The following CD22 variants were observed in gnomAD, a reference collection of about 807,000 sequenced individuals.
CD22 encodes CD22 molecule.
Under a neutral mutation model 94.7 loss-of-function variants are expected in CD22, and 51 were observed. The ratio of observed to expected loss-of-function variants is 0.54; its 90% CI spans 0.43 to 0.68. The LOEUF (loss-of-function observed/expected upper bound fraction) is 0.68. Ranked by LOEUF, CD22 falls within the 30% of genes least tolerant of loss-of-function variation. The pLI is 0.00. For synonymous variants in CD22, 424 were observed against 422.5 expected (o/e 1.00, Z -0.04); for missense variants, 931 against 1,060.4 (o/e 0.88, Z 1.69).
At chr19:35,329,813 A>G (rs1177839970) in intron 1 of CD22, 1 of 155,548 alleles carries the variant, frequency 6.4e-6, no homozygotes, top group African/African-American at 2.4e-5. Flanking sequence ...AACGGAGTCT[A>G]GTCCTTGCCA....
chr19:35,338,638 G>GT (rs1467461300), intron 6 of CD22, among the ~76,000 whole-genome samples: 2 of 151,406 alleles, frequency 1.3e-5, no homozygotes, highest in Non-Finnish European at 3.0e-5. Flanking sequence ...TTGTGTTTTA[G>GT]TTTTTTTTGA....
rs771155338 is a variant in CD22 at position 35,336,137 on chromosome 19, A to G, written c.514A>G (p.Ile172Val). 2.5e-6 allele frequency: 4 copies of G among 1,614,080 alleles called. No individual in the cohort carries two copies. The Admixed American group carries it at 6.7e-5, about 27-fold the overall frequency. The change falls in exon 4 of 14, where the codon ATC becomes GTC. Residue 172 changes from isoleucine (I) to valine (V), a missense_variant. Coordinates refer to ENST00000085219, the MANE Select transcript of CD22 (RefSeq NM_001771.4). ...LLNFSCYGYP[I>V]QLQWLLEGVP... ...GAATTTCTCCTGCTATGGGTATCCG[A>G]TCCAATTGCAGTGGCTCCTAGAGGG...
At chr19:35,345,428 A>AC in intron 11 of CD22, 174 bp from the exon 12 acceptor site, 3 of 512,938 alleles carry the variant, frequency 5.8e-6, no homozygotes, top group Non-Finnish European at 1.0e-5. Flanking sequence ...CTCAAAAAAA[A>AC]AAAAAAAAAA....
At position 35,341,982 on chromosome 19, in the gene CD22, C is replaced by T. The variant is rs1451362307; in HGVS notation, c.2035+17C>T. On this transcript the variant is annotated intron_variant, in intron 9 of 13. Transcript: ENST00000085219. The surrounding 1 kb of genome is among the most constrained non-coding windows in gnomAD (Gnocchi z 4.0). The stretch of plus-strand genomic sequence containing the variant: ...CCGTCTACTGTAAGGCCTCTTCCTG[C>T]TCTTGTTCTTCTTGGTGGTGGTCAG... The T allele has an allele frequency of 6.3e-7, 1 of 1,594,462 alleles. No individual in the cohort carries two copies. The highest frequency in any genetic ancestry group is 1.3e-5 in the African/African-American group (1 of 74,200).
intron 13 of CD22, 66 bp from the exon 14 acceptor site, chr19:35,346,500 C>A (rs1460099446): frequency 7.1e-6 from 11 of 1,553,100 alleles, no homozygotes; most frequent in African/African-American, 4.1e-5. Context: ...GGAGAGAATG[C>A]GGAGAAAAGC....
intron 1 of CD22, chr19:35,329,468 A>G (rs554987666): frequency 1.9e-4 from 69 of 361,150 alleles, no homozygotes; most frequent in African/African-American, 1.4e-3. Context: ...AGAAGGAGCC[A>G]GGGAGGTCAG....
intron 9 of CD22, 118 bp downstream of exon 9, chr19:35,342,083 T>C: frequency 1.1e-6 from 1 of 932,640 alleles, no homozygotes; most frequent in South Asian, 1.7e-5. Context: ...TTCCTCCTCC[T>C]CTTCTTCCCC....
At position 35,345,688 on chromosome 19, in the gene CD22, G is replaced by C; in HGVS notation, c.2295G>C (p.Leu765=). 1.2e-6 allele frequency: 2 copies of C among 1,613,644 alleles called. No individual in the cohort carries two copies. Among genetic ancestry groups the C allele is most frequent in the South Asian group, 2.2e-5 (2 of 91,072 alleles). ...MMEDGISYTT[L]RFPEMNIPRT... is the part of the protein sequence containing the mutation. ...AAGATGGCATTAGCTACACCACCCTGCGCTTTCCCGAGATGAACATACCAC... is the reference window on the plus strand; with the variant it reads ...AAGATGGCATTAGCTACACCACCCTCCGCTTTCCCGAGATGAACATACCAC... The change falls in exon 12 of 14, where the codon CTG becomes CTC. Residue 765 remains leucine (L), a synonymous_variant. Transcript: ENST00000085219.
intron 5 of CD22, 48 bp from the exon 6 acceptor site, chr19:35,338,120 T>C (rs1374234873): frequency 6.3e-7 from 1 of 1,581,686 alleles, no homozygotes; most frequent in South Asian, 1.2e-5. Flanking sequence ...GTGCACAGGT[T>C]GGGGGTGCTC....
intron 6 of CD22, among the ~76,000 whole-genome samples, chr19:35,338,918 C>T (rs1157032245): frequency 1.3e-5 from 2 of 151,084 alleles, no homozygotes; most frequent in African/African-American, 2.4e-5. Flanking sequence ...CGTGAGCCAC[C>T]GCACCCGGCC....
chr19:35,339,143 G>A (rs2066769443), intron 6 of CD22, among the ~76,000 whole-genome samples: 1 of 152,108 alleles, frequency 6.6e-6, no homozygotes, highest in Non-Finnish European at 1.5e-5. Context: ...GGCTGAGGAG[G>A]GAGAATCACT....
At chr19:35,345,858 A>C in intron 12 of CD22, 138 bp downstream of exon 12, 1 of 704,446 alleles carries the variant, frequency 1.4e-6, no homozygotes, top group South Asian at 1.7e-5. Flanking sequence ...ACTCGGCAAC[A>C]AGCCTCTGGG....
chr19:35,334,126 C>A (rs565435642), intron 3 of CD22, among the ~76,000 whole-genome samples: 1 of 152,144 alleles, frequency 6.6e-6, no homozygotes, highest in Non-Finnish European at 1.5e-5. Flanking sequence ...TTAGTGGGGG[C>A]TTTTATGAGT....
In CD22 at chr19:35,332,677, C is replaced by T. The variant is rs773887093; in HGVS notation, c.165C>T (p.Ser55=). The change falls in exon 3 of 14, where the codon AGC becomes AGT. Residue 55 remains serine, a synonymous_variant. Transcript: ENST00000085219. ...GAGCCCTAGATGGTGACCTGGAAAGCTTCATCCTGTTCCACAATCCTGAGT... is the reference window on the plus strand; with the variant it reads ...GAGCCCTAGATGGTGACCTGGAAAGTTTCATCCTGTTCCACAATCCTGAGT... ...TYRALDGDLE[S]FILFHNPEYN... is the part of the protein sequence containing the mutation. The T allele has an allele frequency of 3.1e-6, 5 of 1,614,112 alleles. No individual in the cohort carries two copies. Among genetic ancestry groups the T allele is most frequent in the Non-Finnish European group, 4.2e-6 (5 of 1,180,038 alleles).
chr19:35,346,439 T>G, intron 13 of CD22, 127 bp from the exon 14 acceptor site: 1 of 1,341,022 alleles, frequency 7.5e-7, no homozygotes, highest in Non-Finnish European at 1.0e-6. Context: ...ACAGCCAGTT[T>G]CCTGACACGA....
chr19:35,346,839 C>T lies in CD22; in HGVS notation c.*142C>T. ...ACACGCACACACACACACACACACT[C>T]ACTGCGGAGAACCTTGTGCCTGGCT... On this transcript the variant is annotated 3_prime_UTR_variant, in exon 14 of 14. Coordinates refer to ENST00000085219, the MANE Select transcript of CD22 (RefSeq NM_001771.4). 1 of 838,046 alleles carries T rather than the reference C, an allele frequency of 1.2e-6. No individual in the cohort carries two copies. Among genetic ancestry groups the T allele is most frequent in the East Asian group, 2.8e-5 (1 of 35,804 alleles). 51.9% of individuals were successfully genotyped at this position (838,046 alleles called of 1,614,324 possible).
At chr19:35,342,053 C>CCTTT (rs1479637918) in intron 9 of CD22, 88 bp downstream of exon 9, 7 of 922,702 alleles carry the variant, frequency 7.6e-6, no homozygotes, top group South Asian at 2.0e-5. Context: ...TTCCTTCCTT[C>CCTTT]CTTTCTTTCT....
At chr19:35,346,315 C>T in intron 13 of CD22, 80 bp downstream of exon 13, 1 of 1,302,170 alleles carries the variant, frequency 7.7e-7, no homozygotes, top group Non-Finnish European at 1.1e-6. Context: ...GTGGGTCCCA[C>T]ATAGGAAGGA....
intron 2 of CD22, chr19:35,332,304 A>G (rs2066656901): frequency 1.6e-6 from 1 of 641,704 alleles, no homozygotes; most frequent in Admixed American, 3.0e-5. Flanking sequence ...CTTCAGAGGG[A>G]ATTCTTTAGT....
Sources: allele counts gnomAD v4.1 joint callset (sites outside exome capture counted in the v4.1 genomes callset), GRCh38; gene constraint gnomAD v4.1.1; non-coding constraint Gnocchi (gnomAD v3.1); transcripts MANE v1.5; gene names NCBI Gene and HGNC (gene_info 2026-07-23, HGNC 2026-07-21).